TENM1: variants seen among roughly 807,000 people sequenced by gnomAD.
TENM1 encodes the protein teneurin-1.
Under a neutral mutation model 174.8 loss-of-function variants are expected in TENM1, and 35 were observed. The observed-to-expected ratio is 0.20, with a 90% CI of 0.15 to 0.27. The LOEUF (loss-of-function observed/expected upper bound fraction) is 0.27, where lower values mean the gene tolerates loss of function less well. TENM1 is among the 10% of genes least tolerant of loss of function. The pLI is 1.00. For synonymous variants in TENM1, 781 were observed against 798.7 expected (o/e 0.98, Z 0.37); for missense variants, 1,633 against 2,130.1 (o/e 0.77, Z 4.59).
intron 15 of TENM1, among the ~76,000 whole-genome samples, chrX:124,538,494 C>G: frequency 9.0e-6 from 1 of 111,580 alleles, no homozygotes; most frequent in Non-Finnish European, 1.9e-5. Flanking sequence ...TGTTGATGCT[C>G]TATAAAGAGC....
chrX:124,425,637 G>A (rs917287376), intron 23 of TENM1, among the ~76,000 whole-genome samples: 3 of 112,070 alleles, frequency 2.7e-5, no homozygotes, highest in Non-Finnish European at 3.8e-5. Context: ...CTAAATAAAT[G>A]TTTTTCTTCA....
intron 1 of TENM1, among the ~76,000 whole-genome samples, chrX:124,926,761 G>A (rs762225400): frequency 8.9e-6 from 1 of 111,913 alleles, no homozygotes; most frequent in Non-Finnish European, 1.9e-5. Context: ...ATGCTGTACT[G>A]GAACTTGAAT....
chrX:125,085,970 A>G, the TENM1 span, among the ~76,000 whole-genome samples: 1 of 110,837 alleles, frequency 9.0e-6, no homozygotes, highest in African/African-American at 3.3e-5. Flanking sequence ...CTATTCTTAA[A>G]CTTTTAAAAT....
At chrX:124,415,288 C>T (rs1416205565) in intron 25 of TENM1, among the ~76,000 whole-genome samples, 1 of 112,462 alleles carries the variant, frequency 8.9e-6, no homozygotes, top group Non-Finnish European at 1.9e-5. Context: ...TGCTGTTCAG[C>T]ACCAGAATAG....
intron 3 of TENM1, among the ~76,000 whole-genome samples, chrX:124,779,751 C>T (rs1307659259): frequency 8.9e-6 from 1 of 111,985 alleles, no homozygotes; most frequent in Non-Finnish European, 1.9e-5. Context: ...GCAATTCCCA[C>T]TCTTTAAACA....
At chrX:124,518,946 CACAAT>C (rs1171729660) in intron 18 of TENM1, among the ~76,000 whole-genome samples, 1 of 111,971 alleles carries the variant, frequency 8.9e-6, no homozygotes, top group African/African-American at 3.2e-5. Context: ...AAATGGCTGA[CACAAT>C]ACAATATTTT....
At chrX:125,006,654 A>G in the TENM1 span, among the ~76,000 whole-genome samples, 1 of 111,490 alleles carries the variant, frequency 9.0e-6, no homozygotes, top group Non-Finnish European at 1.9e-5. Context: ...TCTGAAACAA[A>G]GCTTCCAAAG....
intron 5 of TENM1, among the ~76,000 whole-genome samples, chrX:124,703,036 T>A (rs1433834040): frequency 9.0e-6 from 1 of 111,627 alleles, no homozygotes; most frequent in Non-Finnish European, 1.9e-5. Flanking sequence ...GTAATATTAA[T>A]GATAATATTT....
intron 1 of TENM1, among the ~76,000 whole-genome samples, chrX:124,943,212 T>C (rs1446226972): frequency 3.6e-5 from 4 of 111,214 alleles, no homozygotes; most frequent in African/African-American, 1.3e-4. Context: ...TTTGACCCAG[T>C]GATATGATCT....
chrX:124,418,465 A>G (rs1451547559), intron 25 of TENM1, among the ~76,000 whole-genome samples: 6 of 110,526 alleles, frequency 5.4e-5, no homozygotes, highest in Non-Finnish European at 1.1e-4. Flanking sequence ...ATCTGAAATA[A>G]AAACCTCTTC....
chrX:124,887,819 T>C (rs1188068358), intron 3 of TENM1, among the ~76,000 whole-genome samples: 1 of 111,315 alleles, frequency 9.0e-6, no homozygotes, highest in Non-Finnish European at 1.9e-5. Context: ...GTCAGTTATA[T>C]GGCAGGGCTC....
intron 8 of TENM1, among the ~76,000 whole-genome samples, chrX:124,651,229 G>A (rs185014837): frequency 9.0e-6 from 1 of 111,713 alleles, no homozygotes; most frequent in African/African-American, 3.2e-5. Flanking sequence ...AAAGGGTCAC[G>A]AGGACTATTT....
chrX:124,708,926 A>C, intron 4 of TENM1, among the ~76,000 whole-genome samples: 1 of 111,364 alleles, frequency 9.0e-6, no homozygotes. Context: ...ATTTAAGTTA[A>C]CGTGATTTAT....
chrX:124,821,867 G>A (rs925980031), intron 3 of TENM1, among the ~76,000 whole-genome samples: 2 of 112,161 alleles, frequency 1.8e-5, no homozygotes, highest in African/African-American at 6.5e-5. Context: ...TAAGCCACTT[G>A]TACAGTAGAA....
At chrX:124,754,066 C>T (rs1468760176) in intron 3 of TENM1, among the ~76,000 whole-genome samples, 1 of 111,448 alleles carries the variant, frequency 9.0e-6, no homozygotes, top group Non-Finnish European at 1.9e-5. Context: ...AGGAATGGTA[C>T]CAGTTCCTCC....
At chrX:125,165,870 A>G in the TENM1 span, among the ~76,000 whole-genome samples, 5 of 111,475 alleles carry the variant, frequency 4.5e-5, no homozygotes, top group Admixed American at 2.9e-4. Context: ...CATTAAAGAG[A>G]AAATAATGTT....
At chrX:124,674,997 T>C (rs1342040667) in intron 5 of TENM1, among the ~76,000 whole-genome samples, 4 of 111,343 alleles carry the variant, frequency 3.6e-5, no homozygotes. Flanking sequence ...ATGCATGTGG[T>C]GAGATTCACT....
chrX:124,648,696 T>G (rs2051222538), intron 8 of TENM1, among the ~76,000 whole-genome samples: 2 of 112,026 alleles, frequency 1.8e-5, no homozygotes, highest in Non-Finnish European at 3.8e-5. Flanking sequence ...TGCCACTTCT[T>G]AAGTCTACAT....
chrX:124,490,328 G>A (rs2047039681), intron 20 of TENM1, among the ~76,000 whole-genome samples: 2 of 111,460 alleles, frequency 1.8e-5, no homozygotes, highest in South Asian at 7.5e-4. Context: ...AGTGTTTCTA[G>A]TATTTGTAGC....
Sources: allele counts gnomAD v4.1 joint callset (sites outside exome capture counted in the v4.1 genomes callset), GRCh38; gene constraint gnomAD v4.1.1; transcripts MANE v1.5; gene names NCBI Gene and HGNC (gene_info 2026-07-23, HGNC 2026-07-21).